Variants in TBC1D19 observed in about 807,000 individuals in gnomAD.
TBC1D19 encodes the protein TBC1 domain family member 19.
TBC1D19 carries 60 observed loss-of-function variants against 89.0 expected under a neutral mutation model. That is an observed-to-expected ratio of 0.67 (90% CI 0.55 to 0.84). TBC1D19 has a LOEUF of 0.84. Ranked by LOEUF, TBC1D19 falls within the 40% of genes least tolerant of loss-of-function variation. The pLI is 0.00. For synonymous variants in TBC1D19, 189 were observed against 199.7 expected, an observed-to-expected ratio of 0.95 and a Z score of 0.45; for missense variants, 500 against 610.8, an observed-to-expected ratio of 0.82 and a Z score of 1.91.
intron 19 of TBC1D19, 67 bp from the exon 20 acceptor site, chr4:26,753,753 G>A (rs1578021653): frequency 2.5e-6 from 4 of 1,572,208 alleles, no homozygotes; most frequent in Non-Finnish European, 3.5e-6. Context: ...TTTGGGCATA[G>A]CATAGCAGTA....
the TBC1D19 span, among the ~76,000 whole-genome samples, chr4:26,771,546 C>G: frequency 6.6e-6 from 1 of 152,124 alleles, no homozygotes; most frequent in Non-Finnish European, 1.5e-5. Flanking sequence ...TGACATTATA[C>G]TATGTGAAAT....
the TBC1D19 span, among the ~76,000 whole-genome samples, chr4:26,823,329 G>T: frequency 6.6e-6 from 1 of 152,292 alleles, no homozygotes; most frequent in East Asian, 1.9e-4. Flanking sequence ...CTGAGATTTG[G>T]GTGGGGATGC....
the TBC1D19 span, among the ~76,000 whole-genome samples, chr4:26,830,970 A>G: frequency 6.6e-6 from 1 of 152,198 alleles, no homozygotes; most frequent in Non-Finnish European, 1.5e-5. Context: ...GCAGATACCC[A>G]AAAGGGTCTA....
At chr4:26,625,060 T>C (rs1742306534) in intron 4 of TBC1D19, among the ~76,000 whole-genome samples, 1 of 152,072 alleles carries the variant, frequency 6.6e-6, no homozygotes, top group African/African-American at 2.4e-5. Context: ...AAAATTCAAT[T>C]CATTTTTTTT....
intron 15 of TBC1D19, among the ~76,000 whole-genome samples, chr4:26,734,979 T>TATGTATATGTATATATGTATACAC (rs1717906849): frequency 1.3e-5 from 2 of 149,424 alleles, no homozygotes; most frequent in Middle Eastern, 3.7e-3. Flanking sequence ...TGTATACACA[T>TATGTATATGTATATATGTATACAC]ATGTATATGT....
intron 7 of TBC1D19, among the ~76,000 whole-genome samples, chr4:26,651,276 G>C (rs1744358323): frequency 6.6e-6 from 1 of 152,102 alleles, no homozygotes; most frequent in Non-Finnish European, 1.5e-5. Context: ...GCTTGATGGG[G>C]ATGGCATTGA....
At chr4:26,839,673 C>T in the TBC1D19 span, among the ~76,000 whole-genome samples, 1 of 152,180 alleles carries the variant, frequency 6.6e-6, no homozygotes, top group African/African-American at 2.4e-5. Flanking sequence ...CGCCCACTGC[C>T]ATCTGGCTTC....
chr4:26,725,227 C>A (rs1159176575), intron 15 of TBC1D19, among the ~76,000 whole-genome samples: 1 of 152,128 alleles, frequency 6.6e-6, no homozygotes, highest in African/African-American at 2.4e-5. Flanking sequence ...AAAATTCTTT[C>A]TTCATTAAAT....
At chr4:26,586,170 G>GTTTTTTT (rs1560396710) in intron 1 of TBC1D19, among the ~76,000 whole-genome samples, 1 of 135,150 alleles carries the variant, frequency 7.4e-6, no homozygotes, top group Non-Finnish European at 1.5e-5. Flanking sequence ...TGCAAGGTAA[G>GTTTTTTT]CTTTTTTTTT....
intron 13 of TBC1D19, among the ~76,000 whole-genome samples, chr4:26,700,035 G>T (rs1715184070): frequency 6.6e-6 from 1 of 151,036 alleles, no homozygotes; most frequent in Admixed American, 6.6e-5. Flanking sequence ...GAAATTAAAA[G>T]GGGTAAGAAA....
intron 13 of TBC1D19, among the ~76,000 whole-genome samples, chr4:26,699,434 C>G (rs1224824940): frequency 6.6e-6 from 1 of 152,128 alleles, no homozygotes; most frequent in African/African-American, 2.4e-5. Context: ...ACTAGTTCAA[C>G]CATTGTGGAA....
the TBC1D19 span, among the ~76,000 whole-genome samples, chr4:26,790,648 G>A: frequency 6.6e-6 from 1 of 152,154 alleles, no homozygotes; most frequent in African/African-American, 2.4e-5. Flanking sequence ...TTATCACCAA[G>A]ATAATATTAA....
At chr4:26,812,629 G>A in the TBC1D19 span, among the ~76,000 whole-genome samples, 1 of 152,028 alleles carries the variant, frequency 6.6e-6, no homozygotes, top group Admixed American at 6.6e-5. The surrounding 1 kb of genome is among the most constrained non-coding windows in gnomAD (Gnocchi z 4.2). Context: ...CTATTTAGAG[G>A]AATGCTGCTA....
chr4:26,827,532 A>G, the TBC1D19 span, among the ~76,000 whole-genome samples: 1 of 152,186 alleles, frequency 6.6e-6, no homozygotes, highest in Non-Finnish European at 1.5e-5. Flanking sequence ...TGAATCTCGG[A>G]GGCAGAGGTT....
intron 11 of TBC1D19, among the ~76,000 whole-genome samples, chr4:26,681,172 C>T (rs995319587): frequency 5.9e-5 from 9 of 151,948 alleles, no homozygotes; most frequent in African/African-American, 2.2e-4. Context: ...AATGTGCTCT[C>T]GTGTTGCTGG....
chr4:26,823,908 C>T, the TBC1D19 span, among the ~76,000 whole-genome samples: 1 of 152,188 alleles, frequency 6.6e-6, no homozygotes, highest in South Asian at 2.1e-4. Flanking sequence ...CTTCTTTATA[C>T]AGAACCCCAC....
chr4:26,774,948 T>C, the TBC1D19 span, among the ~76,000 whole-genome samples: 1 of 152,238 alleles, frequency 6.6e-6, no homozygotes, highest in Non-Finnish European at 1.5e-5. Context: ...GGTTAAGGAA[T>C]TTCCTTTCTA....
At chr4:26,855,563 T>C in the TBC1D19 span, among the ~76,000 whole-genome samples, 2 of 152,214 alleles carry the variant, frequency 1.3e-5, no homozygotes, top group African/African-American at 4.8e-5. Context: ...GGTGTACTTA[T>C]GGCCATTTTT....
the TBC1D19 span, among the ~76,000 whole-genome samples, chr4:26,818,682 ATT>A: frequency 6.6e-6 from 1 of 152,200 alleles, no homozygotes. Flanking sequence ...ACAAACACAC[ATT>A]TTTGTCCTGA....
Sources: allele counts gnomAD v4.1 joint callset (sites outside exome capture counted in the v4.1 genomes callset), GRCh38; gene constraint gnomAD v4.1.1; non-coding constraint Gnocchi (gnomAD v3.1); transcripts MANE v1.5; gene names NCBI Gene and HGNC (gene_info 2026-07-23, HGNC 2026-07-21).